Variants in ST7 observed in about 807,000 individuals in gnomAD.
ST7 encodes the protein suppression of tumorigenicity 7, also known as suppressor of tumorigenicity 7 protein.
In ST7, 28 loss-of-function variants were observed where a neutral mutation model predicts 78.7. That is an observed-to-expected ratio of 0.36 (90% confidence interval 0.26 to 0.49). The LOEUF (loss-of-function observed/expected upper bound fraction) is 0.49, where lower values mean the gene tolerates loss of function less well. Among genes scored for constraint, ST7 ranks in the 20% least tolerant of loss-of-function variants. The pLI, the probability that ST7 is intolerant of heterozygous loss-of-function variation, is 0.99. For synonymous variants in ST7, 247 were observed against 249.6 expected (o/e 0.99, Z 0.10); for missense variants, 418 against 696.0 (o/e 0.60, Z 4.49).
intron 9 of ST7, among the ~76,000 whole-genome samples, chr7:117,149,975 G>A (rs118068004): frequency 0.022 from 3,274 of 152,138 alleles, 67 homozygotes; most frequent in Non-Finnish European, 0.028. Flanking sequence ...TGGAAAGATC[G>A]TCAGGTCTTT....
At chr7:117,017,515 A>G (rs1795670469) in intron 1 of ST7, among the ~76,000 whole-genome samples, 1 of 152,172 alleles carries the variant, frequency 6.6e-6, no homozygotes, top group African/African-American at 2.4e-5. Context: ...CTTTATCTAG[A>G]AATTAACAGC....
In ST7 at chr7:117,200,789, C is replaced by A. The variant is rs549256426; in HGVS notation, c.1255-8998C>A. Among the ~76,000 whole-genome samples, 4 of 145,500 alleles carry A rather than the reference C, an allele frequency of 2.7e-5. No individual in the cohort carries two copies. The South Asian group carries it at 8.7e-4, about 32-fold the overall frequency. On this transcript the variant is annotated intron_variant, in intron 12 of 15. Coordinates refer to ENST00000323984, the MANE Select transcript of ST7 (RefSeq NM_001369598.1). Reference sequence around the variant, plus strand: ...GAGGAAAGAATGAAGAGTGTTATGACAGAAATGCATTCCCATTAAAAATGT... The same window carrying A: ...GAGGAAAGAATGAAGAGTGTTATGAAAGAAATGCATTCCCATTAAAAATGT...
chr7:117,098,542 G>A (rs1371524488), intron 1 of ST7: 3 of 223,392 alleles, frequency 1.3e-5, no homozygotes, highest in African/African-American at 7.0e-5. Flanking sequence ...ACTGCACTTG[G>A]TCTTCTAGAG....
At chr7:117,020,244 A>C in intron 1 of ST7, 1 of 283,426 alleles carries the variant, frequency 3.5e-6, no homozygotes, top group Non-Finnish European at 6.7e-6. Context: ...AGGGCTGGGG[A>C]TTGCAGTATC....
intron 15 of ST7, among the ~76,000 whole-genome samples, chr7:117,226,511 G>T (rs952506687): frequency 6.6e-6 from 1 of 151,992 alleles, no homozygotes; most frequent in Admixed American, 6.6e-5. Context: ...CTTCTATATT[G>T]GTTGGGTCTC....
intron 13 of ST7, among the ~76,000 whole-genome samples, chr7:117,215,524 A>G (rs1456863548): frequency 1.3e-5 from 2 of 152,154 alleles, no homozygotes; most frequent in East Asian, 3.8e-4. Context: ...CTGCTGTTAC[A>G]CTTAGTTCCT....
intron 1 of ST7, among the ~76,000 whole-genome samples, chr7:116,991,218 A>G (rs1794413016): frequency 6.6e-6 from 1 of 152,186 alleles, no homozygotes; most frequent in Non-Finnish European, 1.5e-5. Context: ...CTAGGCTACT[A>G]CTTTTTCCAC....
chr7:117,041,151 T>G (rs1797198959), intron 1 of ST7, among the ~76,000 whole-genome samples: 1 of 152,190 alleles, frequency 6.6e-6, no homozygotes, highest in African/African-American at 2.4e-5. Context: ...TGTGCAAGGA[T>G]ATCAGCTGAT....
At chr7:117,027,786 G>A (rs1251309367) in intron 1 of ST7, among the ~76,000 whole-genome samples, 1 of 152,164 alleles carries the variant, frequency 6.6e-6, no homozygotes, top group Non-Finnish European at 1.5e-5. Context: ...TAATGTCAAT[G>A]TGTTAATGAT....
At chr7:116,973,577 T>C (rs993508424) in intron 1 of ST7, among the ~76,000 whole-genome samples, 6 of 152,216 alleles carry the variant, frequency 3.9e-5, no homozygotes, top group African/African-American at 1.4e-4. Context: ...AAAAATAAAC[T>C]GTTACCTAGA....
At chr7:117,041,294 C>A (rs973819370) in intron 1 of ST7, among the ~76,000 whole-genome samples, 1 of 152,122 alleles carries the variant, frequency 6.6e-6, no homozygotes, top group East Asian at 1.9e-4. Flanking sequence ...TTATTCATTG[C>A]AAATTCTGCT....
intron 12 of ST7, chr7:117,198,595 T>C: frequency 3.9e-6 from 1 of 256,714 alleles, no homozygotes; most frequent in Non-Finnish European, 7.7e-6. Context: ...TGTCTTATAT[T>C]CTTGTTCTGA....
chr7:117,134,036 T>C (rs1804580028), intron 6 of ST7, 88 bp from the exon 7 acceptor site: 1 of 1,533,598 alleles, frequency 6.5e-7, no homozygotes, highest in South Asian at 1.2e-5. Flanking sequence ...CCTCTTTGAT[T>C]ACCCTGAACT....
At chr7:116,955,043 T>C (rs1277764359) in intron 1 of ST7, 1 of 453,220 alleles carries the variant, frequency 2.2e-6, no homozygotes, top group Non-Finnish European at 4.5e-6. Context: ...ACCATTTGAA[T>C]AGGTGCTGCT....
chr7:117,126,178 A>G (rs1803821799), intron 3 of ST7, among the ~76,000 whole-genome samples: 1 of 151,938 alleles, frequency 6.6e-6, no homozygotes, highest in African/African-American at 2.4e-5. Context: ...AAGATGTGGT[A>G]ACTTTTTAGT....
chr7:117,216,782 C>A (rs1021055544), intron 13 of ST7, among the ~76,000 whole-genome samples: 1 of 150,504 alleles, frequency 6.6e-6, no homozygotes, highest in East Asian at 2.0e-4. Flanking sequence ...ATTTTTTGAG[C>A]TCAATGCAAA....
chr7:117,027,572 G>A (rs1284051663), intron 1 of ST7, among the ~76,000 whole-genome samples: 2 of 150,124 alleles, frequency 1.3e-5, no homozygotes, highest in Admixed American at 1.3e-4. Flanking sequence ...AATCTTAAGT[G>A]TTCCAGAAAT....
At chr7:116,956,711 A>G (rs1443268238) in intron 1 of ST7, 1 of 465,282 alleles carries the variant, frequency 2.1e-6, no homozygotes, top group African/African-American at 2.0e-5. Context: ...TCCTCATTTG[A>G]TCATATTTTA....
At chr7:117,050,655 G>A (rs1797737267) in intron 1 of ST7, among the ~76,000 whole-genome samples, 1 of 152,150 alleles carries the variant, frequency 6.6e-6, no homozygotes, top group South Asian at 2.1e-4. Context: ...CTGAGGCCTG[G>A]TGCGGTGGCT....
Sources: gnomAD v4.1 joint callset for allele counts (sites outside exome capture counted in the v4.1 genomes callset) on GRCh38, gnomAD v4.1.1 for gene constraint, MANE v1.5 for transcripts, NCBI Gene and HGNC (gene_info 2026-07-23, HGNC 2026-07-21) for gene names.